The following FANCB variants were observed in gnomAD, a reference collection of about 807,000 sequenced individuals.
FANCB encodes the protein Fanconi anemia group B protein.
Under a neutral mutation model 38.9 loss-of-function variants are expected in FANCB, and 5 were observed. That is an observed-to-expected ratio of 0.13 (90% CI 0.07 to 0.27). The LOEUF is 0.27. FANCB is among the 10% of genes least tolerant of loss of function. The pLI is 1.00. For synonymous variants in FANCB, 236 were observed against 215.4 expected (o/e 1.10, Z -0.84); for missense variants, 573 against 602.7 (o/e 0.95, Z 0.52).
the FANCB span, chrX:14,690,676 T>A: frequency 1.1e-6 from 1 of 925,181 alleles, no homozygotes. Flanking sequence ...TCTCTCTCTC[T>A]CTGTGTGTGT....
chrX:14,770,459 C>T, the FANCB span, among the ~76,000 whole-genome samples: 2 of 111,537 alleles, frequency 1.8e-5, no homozygotes, highest in African/African-American at 6.5e-5. Flanking sequence ...GACTGCAACC[C>T]CTGCTTTTTT....
chrX:14,715,073 GAA>G, the FANCB span, among the ~76,000 whole-genome samples: 3 of 111,954 alleles, frequency 2.7e-5, no homozygotes, highest in South Asian at 3.6e-4. Flanking sequence ...ATACATAAAT[GAA>G]AAAAAGTCTT....
At chrX:14,738,787 A>G in the FANCB span, among the ~76,000 whole-genome samples, 17 of 112,287 alleles carry the variant, frequency 1.5e-4, no homozygotes, top group Middle Eastern at 4.6e-3. Flanking sequence ...CCTTCCAAGC[A>G]GCGCTAGCTT....
At chrX:14,767,503 C>T in the FANCB span, among the ~76,000 whole-genome samples, 1 of 110,868 alleles carries the variant, frequency 9.0e-6, no homozygotes, top group East Asian at 2.8e-4. Context: ...TGAGCAGTAT[C>T]TATTCATATC....
chrX:14,839,355 A>G (rs1222859439), downstream of FANCB, among the ~76,000 whole-genome samples: 1 of 110,949 alleles, frequency 9.0e-6, no homozygotes, highest in Non-Finnish European at 1.9e-5. Context: ...TGAGAACTGA[A>G]AGTCTGAATT....
the FANCB span, among the ~76,000 whole-genome samples, chrX:14,697,362 T>C: frequency 8.5e-3 from 953 of 112,241 alleles, 9 homozygotes; most frequent in African/African-American, 0.028. Context: ...ACGGGTTTGG[T>C]TGACCTCCAC....
At chrX:14,783,439 T>A in the FANCB span, among the ~76,000 whole-genome samples, 1 of 112,229 alleles carries the variant, frequency 8.9e-6, no homozygotes, top group Non-Finnish European at 1.9e-5. Flanking sequence ...AGTTCTCCTA[T>A]CCTTGCTTAA....
chrX:14,860,208 C>T (rs1359906931), intron 3 of FANCB, among the ~76,000 whole-genome samples: 1 of 111,921 alleles, frequency 8.9e-6, no homozygotes, highest in Non-Finnish European at 1.9e-5. Flanking sequence ...AGCACAGATA[C>T]ATCATCTAGA....
chrX:14,717,809 G>T, the FANCB span, among the ~76,000 whole-genome samples: 1 of 108,228 alleles, frequency 9.2e-6, no homozygotes, highest in African/African-American at 3.4e-5. Context: ...GCACGCATTA[G>T]ATTACTCAGT....
the FANCB span, among the ~76,000 whole-genome samples, chrX:14,780,548 T>A: frequency 3.6e-5 from 4 of 111,139 alleles, 1 homozygote; most frequent in African/African-American, 1.3e-4. Context: ...TGATTAACAA[T>A]GTTACAATTC....
the FANCB span, among the ~76,000 whole-genome samples, chrX:14,702,980 G>A: frequency 9.0e-6 from 1 of 111,420 alleles, no homozygotes; most frequent in Non-Finnish European, 1.9e-5. Flanking sequence ...GCTGCACAGT[G>A]GGGGAGCCTC....
the FANCB span, among the ~76,000 whole-genome samples, chrX:14,815,193 A>T: frequency 0.014 from 1,526 of 110,701 alleles, 26 homozygotes; most frequent in African/African-American, 0.04. Context: ...AGGGGGAGGG[A>T]TAGCATTAGG....
the FANCB span, among the ~76,000 whole-genome samples, chrX:14,784,150 C>T: frequency 3.6e-5 from 4 of 112,298 alleles, no homozygotes; most frequent in South Asian, 3.7e-4. Context: ...GCGGAGGTTG[C>T]GGTGAGCAGA....
chrX:14,721,013 G>A, the FANCB span, among the ~76,000 whole-genome samples: 9 of 108,791 alleles, frequency 8.3e-5, no homozygotes, highest in African/African-American at 3.0e-4. Context: ...CGTCCACCTT[G>A]GGAGGCTAAG....
downstream of FANCB, among the ~76,000 whole-genome samples, chrX:14,832,394 A>G (rs955817521): frequency 9.0e-6 from 1 of 111,633 alleles, no homozygotes; most frequent in Admixed American, 9.6e-5. Flanking sequence ...CTACTCCAGT[A>G]TGACCTCATC....
the FANCB span, among the ~76,000 whole-genome samples, chrX:14,807,811 AC>A: frequency 8.9e-6 from 1 of 111,943 alleles, no homozygotes; most frequent in African/African-American, 3.2e-5. Flanking sequence ...AAATTGAGAA[AC>A]CTTTAGCCAG....
chrX:14,815,938 T>C, the FANCB span, among the ~76,000 whole-genome samples: 2 of 112,245 alleles, frequency 1.8e-5, no homozygotes, highest in Non-Finnish European at 3.8e-5. Context: ...CAGGTTTTCA[T>C]TTGTAAGTGG....
the FANCB span, among the ~76,000 whole-genome samples, chrX:14,771,060 T>C: frequency 9.0e-6 from 1 of 111,427 alleles, no homozygotes; most frequent in Non-Finnish European, 1.9e-5. Flanking sequence ...CTGGCTGCCC[T>C]TAACATTTTT....
chrX:14,760,811 A>C, the FANCB span, among the ~76,000 whole-genome samples: 1 of 111,369 alleles, frequency 9.0e-6, no homozygotes, highest in African/African-American at 3.3e-5. Context: ...TCTACTAAAA[A>C]TACAAAAAAA....
Sources: gnomAD v4.1 joint callset for allele counts (sites outside exome capture counted in the v4.1 genomes callset) on GRCh38, gnomAD v4.1.1 for gene constraint, MANE v1.5 for transcripts, NCBI Gene and HGNC (gene_info 2026-07-23, HGNC 2026-07-21) for gene names.